Variants in AGBL1 observed in about 807,000 individuals in gnomAD.
AGBL1 encodes the protein cytosolic carboxypeptidase 4.
AGBL1 carries 130 observed loss-of-function variants against 118.9 expected under a neutral mutation model. The ratio of observed to expected loss-of-function variants is 1.09; its 90% CI spans 0.95 to 1.26. The LOEUF (loss-of-function observed/expected upper bound fraction) is 1.26, where lower values mean the gene tolerates loss of function less well. Ranked by LOEUF, AGBL1 falls within the 50% of genes most tolerant of loss-of-function variation. The probability of loss-of-function intolerance (pLI) is 0.00; values close to 1 mark genes in which losing one functional copy is unlikely to be tolerated. For missense variants in AGBL1, 1,584 were observed against 1,298.1 expected, an observed-to-expected ratio of 1.22 and a Z score of -3.38; for synonymous variants, 555 against 478.9, an observed-to-expected ratio of 1.16 and a Z score of -2.08.
chr15:86,851,229 G>A (rs982874067), intron 22 of AGBL1, among the ~76,000 whole-genome samples: 3 of 152,130 alleles, frequency 2.0e-5, no homozygotes, highest in Admixed American at 2.0e-4. Context: ...AAAGCCCTGG[G>A]AGAAAATTGA....
rs115273412 is a variant in AGBL1 at position 86,172,677 on chromosome 15, T to C, written c.488+13651T>C. 9.6e-3 allele frequency among the ~76,000 whole-genome samples: 1,457 copies of C among 152,316 alleles called. 28 individuals are homozygous for C. The highest frequency in any genetic ancestry group is 0.034 in the African/African-American group (1,403 of 41,566). Reference sequence around the variant, plus strand: ...ATCCATGTTGCTGCAAATGACAGGATTTCATTCTTGTTTAATGGTGGACTA... The same window carrying C: ...ATCCATGTTGCTGCAAATGACAGGACTTCATTCTTGTTTAATGGTGGACTA... On this transcript the variant is annotated intron_variant, in intron 5 of 22. Coordinates refer to ENST00000614907, the MANE Select transcript of AGBL1 (RefSeq NM_001386094.1).
intron 22 of AGBL1, among the ~76,000 whole-genome samples, chr15:86,860,570 T>G (rs568322453): frequency 1.3e-5 from 2 of 152,272 alleles, no homozygotes; most frequent in Non-Finnish European, 1.5e-5. Flanking sequence ...TACACTGCCA[T>G]CCAGACATGT....
intron 18 of AGBL1, among the ~76,000 whole-genome samples, chr15:86,415,410 A>G (rs2081678172): frequency 1.3e-5 from 2 of 152,164 alleles, no homozygotes; most frequent in African/African-American, 4.8e-5. Flanking sequence ...AAACGGGGAT[A>G]ATAGCAAGTA....
intron 23 of AGBL1, among the ~76,000 whole-genome samples, chr15:86,985,535 C>T (rs1396306079): frequency 6.6e-6 from 1 of 152,140 alleles, no homozygotes; most frequent in African/African-American, 2.4e-5. Flanking sequence ...CTTAAAACTT[C>T]TTTGGTGATG....
At chr15:86,978,329 C>T (rs777710216) in intron 23 of AGBL1, among the ~76,000 whole-genome samples, 2 of 152,072 alleles carry the variant, frequency 1.3e-5, no homozygotes, top group African/African-American at 2.4e-5. Context: ...TAGCACAAAG[C>T]GATTGTAAGT....
At chr15:86,567,890 C>T (rs2083939514) in intron 21 of AGBL1, among the ~76,000 whole-genome samples, 1 of 151,978 alleles carries the variant, frequency 6.6e-6, no homozygotes, top group African/African-American at 2.4e-5. Context: ...GCCCAGCTGC[C>T]CAGAGACCAG....
intron 22 of AGBL1, among the ~76,000 whole-genome samples, chr15:86,824,652 T>C (rs1012851371): frequency 2.6e-4 from 39 of 151,992 alleles, no homozygotes; most frequent in African/African-American, 8.9e-4. Context: ...AAAAATATAG[T>C]GAGATGAATC....
intron 6 of AGBL1, 123 bp from the exon 7 acceptor site, chr15:86,247,548 A>T: frequency 9.2e-7 from 1 of 1,089,476 alleles, no homozygotes; most frequent in Non-Finnish European, 1.4e-6. Flanking sequence ...CAGTTTTCAT[A>T]CTAAAATGTT....
intron 24 of AGBL1, among the ~76,000 whole-genome samples, chr15:87,023,586 A>G (rs1473769061): frequency 6.6e-6 from 1 of 152,102 alleles, no homozygotes; most frequent in Non-Finnish European, 1.5e-5. Flanking sequence ...CAAGACAGAA[A>G]TTCAACAAAG....
intron 5 of AGBL1, among the ~76,000 whole-genome samples, chr15:86,176,096 T>A (rs2072568349): frequency 1.3e-5 from 2 of 152,224 alleles, no homozygotes. Context: ...ATTCCCCAAC[T>A]ATTATTGAAT....
intron 10 of AGBL1, 22 bp from the exon 11 acceptor site, chr15:86,264,236 G>A (rs1184981313): frequency 5.9e-6 from 9 of 1,522,706 alleles, no homozygotes; most frequent in South Asian, 2.5e-5. Context: ...CTAACATATT[G>A]TATTCCATTT....
At chr15:86,481,353 G>A (rs997040791) in intron 18 of AGBL1, among the ~76,000 whole-genome samples, 5 of 151,966 alleles carry the variant, frequency 3.3e-5, no homozygotes, top group Non-Finnish European at 5.9e-5. Context: ...CACACAAAGG[G>A]CTGGGAATAA....
chr15:86,192,305 TTTA>T (rs914914847), intron 5 of AGBL1, among the ~76,000 whole-genome samples: 1 of 149,924 alleles, frequency 6.7e-6, no homozygotes, highest in African/African-American at 2.4e-5. Flanking sequence ...AATGGAGCAT[TTTA>T]TTATATATTT....
intron 18 of AGBL1, among the ~76,000 whole-genome samples, chr15:86,453,080 G>T (rs112709182): frequency 6.6e-6 from 1 of 151,982 alleles, no homozygotes. Flanking sequence ...ATTGTGTTTC[G>T]CCCTTTTCTC....
intron 22 of AGBL1, among the ~76,000 whole-genome samples, chr15:86,899,196 T>A (rs772068309): frequency 3.3e-5 from 5 of 152,192 alleles, no homozygotes; most frequent in Non-Finnish European, 7.4e-5. Context: ...CATGGAATAC[T>A]ATGCAGCCGT....
chr15:86,383,277 C>G (rs1301800802), intron 17 of AGBL1, among the ~76,000 whole-genome samples: 2 of 95,090 alleles, frequency 2.1e-5, no homozygotes, highest in East Asian at 7.4e-4. Flanking sequence ...AAAAAAAAAT[C>G]CTAATTGCTT....
chr15:86,904,808 T>A (rs1207460527), intron 22 of AGBL1, among the ~76,000 whole-genome samples: 1 of 146,488 alleles, frequency 6.8e-6, no homozygotes. Context: ...CCACAAAAGA[T>A]GATTCAAATA....
At chr15:86,277,762 A>C (rs1181327713) in intron 15 of AGBL1, among the ~76,000 whole-genome samples, 1 of 152,206 alleles carries the variant, frequency 6.6e-6, no homozygotes, top group Non-Finnish European at 1.5e-5. Context: ...TGTCTCCACC[A>C]TTTGTAGGTG....
At position 86,364,937 on chromosome 15, in the gene AGBL1, C is replaced by T. The variant is rs763834728; in HGVS notation, c.2375-32429C>T. ...TAGTGTTTAGACAGCCTGCAGGAGC[C>T]GCATTGATTTATATGTCACACATAT... is the stretch of plus-strand genomic sequence containing the variant. On this transcript the variant is annotated intron_variant, in intron 17 of 22. Coordinates refer to ENST00000614907, the MANE Select transcript of AGBL1 (RefSeq NM_001386094.1). Among the ~76,000 whole-genome samples, 17 of 129,490 alleles carry T rather than the reference C, an allele frequency of 1.3e-4. 1 individual carries two copies. The highest frequency in any genetic ancestry group is 2.6e-4 in the South Asian group (1 of 3,874). The allele number at this position is 129,490 out of a possible 152,430, so 85.0% of individuals were successfully genotyped here.
Sources: gnomAD v4.1 joint callset for allele counts (sites outside exome capture counted in the v4.1 genomes callset) on GRCh38, gnomAD v4.1.1 for gene constraint, MANE v1.5 for transcripts, NCBI Gene and HGNC (gene_info 2026-07-23, HGNC 2026-07-21) for gene names.